The following UNC13D variants were observed in gnomAD, a reference collection of about 807,000 sequenced individuals.
UNC13D encodes protein unc-13 homolog D.
Under a neutral mutation model 151.7 loss-of-function variants are expected in UNC13D, and 115 were observed. The ratio of observed to expected loss-of-function variants is 0.76; its 90% CI spans 0.65 to 0.88. UNC13D has a LOEUF of 0.88. Ranked by LOEUF, UNC13D falls within the 40% of genes least tolerant of loss-of-function variation. The pLI, the probability that UNC13D is intolerant of heterozygous loss-of-function variation, is 0.00. For missense variants in UNC13D, 1,369 were observed against 1,438.7 expected, an observed-to-expected ratio of 0.95 and a Z score of 0.78; for synonymous variants, 588 against 612.2, an observed-to-expected ratio of 0.96 and a Z score of 0.58.
intron 31 of UNC13D, 136 bp downstream of exon 31, chr17:75,828,651 G>T: frequency 1.0e-6 from 1 of 990,020 alleles, no homozygotes; most frequent in Non-Finnish European, 1.4e-6. Flanking sequence ...TAGACCGAGA[G>T]ATGGGCCGTG....
At position 75,836,065 on chromosome 17, in the gene UNC13D, A is replaced by C; in HGVS notation, c.1491T>G (p.Asp497Glu). 1 of 1,613,804 alleles carries C rather than the reference A, an allele frequency of 6.2e-7. No individual in the cohort carries two copies. Among genetic ancestry groups the C allele is most frequent in the East Asian group, 2.2e-5 (1 of 44,886 alleles). The change falls in exon 17 of 32, where the codon GAT becomes GAG. Residue 497 changes from aspartate (D) to glutamate (E), a missense_variant. By Grantham distance (45) the Asp-to-Glu change is conservative (BLOSUM62 2). Around this residue, in one of 3 missense-constraint regions of UNC13D, gnomAD observed 807 missense variants for 795.5 expected, o/e 1.01. Coordinates refer to ENST00000207549, the MANE Select transcript of UNC13D (RefSeq NM_199242.3). ...GGCACTGGTGCAGGTCGCCAATGAC[A>C]TCCTGTACCAGGCCCAGCAAGGCCT... ...AGKALLGLVQ[D>E]VIGDLHQCQR...
At chr17:75,839,708 A>C (rs1185603843) in intron 12 of UNC13D, 131 bp downstream of exon 12, 1 of 1,033,150 alleles carries the variant, frequency 9.7e-7, no homozygotes, top group African/African-American at 1.6e-5. Context: ...AACTGATTCA[A>C]AACTTAAAAC....
At chr17:75,829,056 C>T in intron 30 of UNC13D, 73 bp from the exon 31 acceptor site, 2 of 1,545,796 alleles carry the variant, frequency 1.3e-6, no homozygotes, top group East Asian at 2.3e-5. Context: ...GGTTCACCCA[C>T]TTGGTGTTGG....
chr17:75,834,989 G>A lies in UNC13D; in HGVS notation c.1923C>T (p.Ser641=). The A allele has an allele frequency of 6.2e-7, 1 of 1,614,106 alleles. No homozygotes were observed. Among genetic ancestry groups the A allele is most frequent in the Non-Finnish European group, 8.5e-7 (1 of 1,180,018 alleles). ...GCCAGTCCAGCTGCCGGGCAGTGTG[G>A]CTGATCTGGGCAAAGCAGGTGGATA... The part of the protein sequence containing the change: ...VDLSTCFAQI[S]HTARQLDWPD... The change falls in exon 21 of 32, where the codon AGC becomes AGT. Residue 641 remains serine, a synonymous_variant. Transcript: ENST00000207549.
rs1329423634 is a variant in UNC13D at position 75,827,321 on chromosome 17, ACAG to A, written c.*641_*643del. On this transcript the variant is annotated 3_prime_UTR_variant, in exon 32 of 32. Coordinates refer to ENST00000207549, the MANE Select transcript of UNC13D (RefSeq NM_199242.3). ...CGGGGAGGGGGCGTGCGCAGCAGAC[ACAG>A]CAGCCAAACTGTCCTTTCTGCTTCC... 6.1e-5 allele frequency: 52 copies of A among 851,864 alleles called. No individual in the cohort carries two copies. The highest frequency in any genetic ancestry group is 7.8e-5 in the Non-Finnish European group (47 of 605,340). 52.8% of individuals were successfully genotyped at this position (851,864 alleles called of 1,614,324 possible). A position where few individuals can be genotyped will look rare whatever the true frequency, so the allele number is the denominator to read the frequency against.
chr17:75,842,995 G>T lies in UNC13D; in HGVS notation c.321+19C>A. ...TCCCAGGCCCCTCCTTGCCCAGGGG[G>T]ACCCTGGCCCCAGGTTACCTCAAGC... is the stretch of plus-strand genomic sequence containing the variant. On this transcript the variant is annotated intron_variant, in intron 4 of 31. Coordinates refer to ENST00000207549, the MANE Select transcript of UNC13D (RefSeq NM_199242.3). 6.2e-7 allele frequency: 1 copy of T among 1,612,786 alleles called. No individual in the cohort carries two copies. Among genetic ancestry groups the T allele is most frequent in the East Asian group, 2.2e-5 (1 of 44,874 alleles).
chr17:75,829,186 T>A (rs2062143751), intron 30 of UNC13D, among the ~76,000 whole-genome samples: 1 of 152,220 alleles, frequency 6.6e-6, no homozygotes, highest in Non-Finnish European at 1.5e-5. Flanking sequence ...GTGTTCCCTG[T>A]TCACCTGTGC....
rs571226606 is a variant in UNC13D, at chr17:75,843,685, G to T, written c.118-166C>A. On this transcript the variant is annotated intron_variant, in intron 1 of 31. Transcript: ENST00000207549. ...CACCTGTTCCCCCAGCAGGCCTCCT[G>T]GAGGTCCGTCCCTGGGCCCGCCGTG... 4.1e-6 allele frequency: 6 copies of T among 1,470,512 alleles called. No homozygotes were observed. The African/African-American group carries it at 7.0e-5, about 17-fold the overall frequency. 91.1% of individuals were successfully genotyped at this position (1,470,512 alleles called of 1,614,324 possible).
chr17:75,843,767 C>T, intron 1 of UNC13D: 1 of 1,416,272 alleles, frequency 7.1e-7, no homozygotes, highest in Admixed American at 2.9e-5. Flanking sequence ...CCCCACCTCC[C>T]TCCCTTCCCC....
Position 75,843,277 on chromosome 17 carries a change from C to T in UNC13D, c.154-11G>A, listed in dbSNP as rs372552522. On this transcript the variant is annotated splice_polypyrimidine_tract_variant and intron_variant, in intron 2 of 31. Coordinates refer to ENST00000207549, the MANE Select transcript of UNC13D (RefSeq NM_199242.3). The stretch of plus-strand genomic sequence containing the variant: ...GTAGAGCAGGGCCCGCTAAGACACA[C>T]GGGGTCACCTTGGGGACCCCACCAG... 24 of 1,604,688 alleles carry T rather than the reference C, an allele frequency of 1.5e-5. No individual in the cohort carries two copies. Among genetic ancestry groups the T allele is most frequent in the African/African-American group, 8.0e-5 (6 of 74,926 alleles).
intron 30 of UNC13D, 98 bp downstream of exon 30, chr17:75,829,929 CA>C: frequency 1.3e-6 from 2 of 1,540,048 alleles, no homozygotes. Context: ...GTGGCCATCT[CA>C]GGGGAGCCCC....
intron 12 of UNC13D, 25 bp from the exon 13 acceptor site, chr17:75,836,943 C>A: frequency 1.2e-6 from 2 of 1,610,088 alleles, no homozygotes; most frequent in East Asian, 2.2e-5. Flanking sequence ...AAGCCCTCAG[C>A]TGGACAGGGA....
At position 75,830,066 on chromosome 17, in the gene UNC13D, C is replaced by T. The variant is rs776470044; in HGVS notation, c.2916G>A (p.Lys972=). The change falls in exon 30 of 32, where the codon AAG becomes AAA. Residue 972 remains lysine, a synonymous_variant. Coordinates refer to ENST00000207549, the MANE Select transcript of UNC13D (RefSeq NM_199242.3). ...CATCAAACAATGGGTGAAGGTCCTTCTTGTGCTTCTGGGTCTCCCGGGCGG... is the reference window on the plus strand; with the variant it reads ...CATCAAACAATGGGTGAAGGTCCTTTTTGTGCTTCTGGGTCTCCCGGGCGG... ...ELAARETQKH[K]KDLHPLFDET... 1.3e-6 allele frequency: 2 copies of T among 1,577,484 alleles called. No individual in the cohort carries two copies. The highest frequency in any genetic ancestry group is 2.3e-5 in the East Asian group (1 of 43,452).
chr17:75,840,493 C>T lies in UNC13D; in HGVS notation c.753+14G>A. ...TCTGCCTCGCTCCTGGGCCCCTTTC[C>T]TCATCCTCCTCACCTGCAGCCTCAG... On this transcript the variant is annotated intron_variant, in intron 9 of 31. Transcript: ENST00000207549. This position sits in a 1 kb window ranked among gnomAD's most constrained non-coding sequence, Gnocchi z 4.6. 1 of 1,614,032 alleles carries T rather than the reference C, an allele frequency of 6.2e-7. No homozygotes were observed.
In UNC13D at chr17:75,827,491, C is replaced by T. The variant is rs2062131687; in HGVS notation, c.*474G>A. 2.0e-6 allele frequency: 3 copies of T among 1,497,942 alleles called. No individual in the cohort carries two copies. Among genetic ancestry groups the T allele is most frequent in the South Asian group, 2.5e-5 (2 of 79,850 alleles). 92.8% of individuals were successfully genotyped at this position (1,497,942 alleles called of 1,614,324 possible). On this transcript the variant is annotated 3_prime_UTR_variant, in exon 32 of 32. Transcript: ENST00000207549. The stretch of plus-strand genomic sequence containing the variant: ...CCCTCTAGTAATGGCCACCACCCTC[C>T]CCCCAGGGCAGCTGGAGCCTCATCT...
chr17:75,840,354 G>C lies in UNC13D; in HGVS notation c.754-25C>G, dbSNP rs373406959. The C allele has an allele frequency of 6.2e-7, 1 of 1,611,480 alleles. No individual in the cohort carries two copies. Among genetic ancestry groups the C allele is most frequent in the African/African-American group, 1.3e-5 (1 of 74,980 alleles). Reference sequence around the variant, plus strand: ...CCTGACAGGCGGGGATGCCCAGCCCGTGAGCGTCAGAACCTCATAGAGTCG... The same window carrying C: ...CCTGACAGGCGGGGATGCCCAGCCCCTGAGCGTCAGAACCTCATAGAGTCG... On this transcript the variant is annotated intron_variant, in intron 9 of 31. Transcript: ENST00000207549. The surrounding 1 kb of genome is among the most constrained non-coding windows in gnomAD (Gnocchi z 4.6).
intron 12 of UNC13D, among the ~76,000 whole-genome samples, chr17:75,838,070 G>A (rs1217776306): frequency 6.6e-6 from 1 of 152,118 alleles, no homozygotes; most frequent in Non-Finnish European, 1.5e-5. Flanking sequence ...ACCTGCCTGA[G>A]GTCCTAGCAG....
Position 75,834,912 on chromosome 17 carries a change from T to C in UNC13D, c.1992+8A>G. The stretch of plus-strand genomic sequence containing the variant: ...AAGAGGGGGAAGGACACGTGGAAGA[T>C]GCCGCACCTCCACAAACTTGACGGT... On this transcript the variant is annotated splice_region_variant and intron_variant, in intron 21 of 31. Coordinates refer to ENST00000207549, the MANE Select transcript of UNC13D (RefSeq NM_199242.3). 3 of 1,613,926 alleles carry C rather than the reference T, an allele frequency of 1.9e-6. No individual in the cohort carries two copies. The highest frequency in any genetic ancestry group is 1.1e-5 in the South Asian group (1 of 91,084).
Position 75,840,842 on chromosome 17 carries a change from G to C in UNC13D, c.615-12C>G. On this transcript the variant is annotated splice_polypyrimidine_tract_variant and intron_variant, in intron 7 of 31. Coordinates refer to ENST00000207549, the MANE Select transcript of UNC13D (RefSeq NM_199242.3). The surrounding 1 kb of genome is among the most constrained non-coding windows in gnomAD (Gnocchi z 4.6). The stretch of plus-strand genomic sequence containing the variant: ...CAGTGTCCAGGTCCCTGGCAGGACA[G>C]AGGTTTGAGAAGGAAGCAGAGAGAG... The C allele has an allele frequency of 1.2e-6, 2 of 1,614,098 alleles. No homozygotes were observed. The highest frequency in any genetic ancestry group is 8.5e-7 in the Non-Finnish European group (1 of 1,180,026).
Sources: gnomAD v4.1 joint callset for allele counts (sites outside exome capture counted in the v4.1 genomes callset) on GRCh38, gnomAD v4.1.1 for gene constraint, gnomAD v4.1.1 regional missense constraint, Gnocchi (gnomAD v3.1) non-coding constraint, MANE v1.5 for transcripts, NCBI Gene and HGNC (gene_info 2026-07-23, HGNC 2026-07-21) for gene names.